SCUBE2: variants seen among roughly 807,000 people sequenced by gnomAD.
The protein encoded by SCUBE2 is signal peptide, CUB and EGF-like domain-containing protein 2.
In SCUBE2, 114 loss-of-function variants were observed where a neutral mutation model predicts 125.9. The observed-to-expected ratio is 0.91, with a 90% CI of 0.78 to 1.06. The LOEUF is 1.06. Ranked by LOEUF, SCUBE2 falls within the 50% of genes least tolerant of loss-of-function variation. The pLI is 0.00. For synonymous variants in SCUBE2, 459 were observed against 492.9 expected (o/e 0.93, Z 0.91); for missense variants, 1,255 against 1,301.8 (o/e 0.96, Z 0.55).
chr11:9,035,981 T>G (rs1463197941), intron 16 of SCUBE2, among the ~76,000 whole-genome samples: 1 of 152,182 alleles, frequency 6.6e-6, no homozygotes, highest in African/African-American at 2.4e-5. Flanking sequence ...CTCCGCCTCC[T>G]GGGTTCAAGC....
chr11:9,050,314 C>T (rs1858217493), intron 14 of SCUBE2: 2 of 294,344 alleles, frequency 6.8e-6, no homozygotes, highest in East Asian at 6.2e-5. Flanking sequence ...ATTGCTAATT[C>T]ATCTGAAGCC....
chr11:9,023,913 G>A (rs899250176), intron 21 of SCUBE2, among the ~76,000 whole-genome samples: 8 of 152,076 alleles, frequency 5.3e-5, no homozygotes, highest in East Asian at 1.9e-4. Flanking sequence ...CAGAGGGCCC[G>A]TCTGTAGCAG....
At chr11:9,080,870 T>C (rs1861581754) in intron 2 of SCUBE2, among the ~76,000 whole-genome samples, 1 of 151,762 alleles carries the variant, frequency 6.6e-6, no homozygotes. Flanking sequence ...TATAAAGAAC[T>C]GAAAAAAAAC....
chr11:9,032,085 G>A (rs548187295), intron 17 of SCUBE2, among the ~76,000 whole-genome samples: 130 of 152,094 alleles, frequency 8.5e-4, no homozygotes, highest in Middle Eastern at 6.8e-3. Context: ...TCAATACATG[G>A]TAGCTATAAT....
chr11:9,035,225 T>C (rs1342173711), intron 16 of SCUBE2, among the ~76,000 whole-genome samples: 1 of 152,208 alleles, frequency 6.6e-6, no homozygotes, highest in Non-Finnish European at 1.5e-5. Context: ...CCAGACACCA[T>C]GTCAAAAGCT....
intron 5 of SCUBE2, 57 bp downstream of exon 5, chr11:9,069,313 A>G (rs1590123490): frequency 6.2e-7 from 1 of 1,601,288 alleles, no homozygotes; most frequent in South Asian, 1.1e-5. Context: ...GGGCCACAGA[A>G]GGCAGCCTGT....
intron 2 of SCUBE2, among the ~76,000 whole-genome samples, chr11:9,086,362 T>C (rs1359954363): frequency 1.3e-5 from 2 of 152,322 alleles, no homozygotes; most frequent in East Asian, 3.9e-4. Context: ...GTAGTGAAGC[T>C]GGCAATAATC....
At position 9,048,032 on chromosome 11, in the gene SCUBE2, A is replaced by G; in HGVS notation, c.1706T>C (p.Val569Ala). 1 of 1,614,180 alleles carries G rather than the reference A, an allele frequency of 6.2e-7. No individual in the cohort carries two copies. The highest frequency in any genetic ancestry group is 8.5e-7 in the Non-Finnish European group (1 of 1,180,024). ...VNLTCSSGKQ[V>A]PGAPGRPSTP... is the part of the protein sequence containing the mutation. ...GCTTGGTCGGCCAGGGGCTCCTGGG[A>G]CTTGCTTGCCAGAGCTGCATGTAAG... Residue 569 changes from valine to alanine, a missense_variant, in exon 15 of 23, where the codon GTC becomes GCC. This residue lies in a region of SCUBE2 where 378 missense variants were observed against 463.1 expected (regional missense o/e 0.82). Coordinates refer to ENST00000649792, the MANE Select transcript of SCUBE2 (RefSeq NM_001367977.2).
chr11:9,062,249 T>C (rs561815986), intron 7 of SCUBE2, among the ~76,000 whole-genome samples: 1 of 152,330 alleles, frequency 6.6e-6, no homozygotes, highest in South Asian at 2.1e-4. Context: ...ATAACAGCCA[T>C]TGAAAGTTCC....
chr11:9,059,243 C>A, intron 9 of SCUBE2, 60 bp downstream of exon 9: 8 of 1,578,034 alleles, frequency 5.1e-6, no homozygotes, highest in Non-Finnish European at 6.9e-6. Flanking sequence ...GAGGGTGCTA[C>A]GTTCTCTCTG....
rs202060251 is a variant in SCUBE2 at position 9,025,701 on chromosome 11, C to G, written c.2854+1G>C. 1.6e-4 allele frequency: 266 copies of G among 1,613,980 alleles called. 5 individuals carry two copies. In the South Asian group the frequency reaches 2.7e-3, roughly 16 times the overall value. ...TTCCATGTGCTGCAGGCTGTGCTTACCATCATATGTCACGTATGGGACCTG... is the reference window on the plus strand; with the variant it reads ...TTCCATGTGCTGCAGGCTGTGCTTAGCATCATATGTCACGTATGGGACCTG... On this transcript the variant is annotated splice_donor_variant, in intron 21 of 22. Coordinates refer to ENST00000649792, the MANE Select transcript of SCUBE2 (RefSeq NM_001367977.2). LOFTEE classifies it high-confidence loss of function.
chr11:9,055,781 C>T lies in SCUBE2; in HGVS notation c.1207+12G>A. The T allele has an allele frequency of 6.2e-7, 1 of 1,605,888 alleles. No homozygotes were observed. Among genetic ancestry groups the T allele is most frequent in the Non-Finnish European group, 8.5e-7 (1 of 1,172,648 alleles). On this transcript the variant is annotated intron_variant, in intron 10 of 22. Transcript: ENST00000649792. Reference sequence around the variant, plus strand: ...CATTCCCCTCCCAACTTGACAGGGGCAGTCTGCTCACCTCCACAGTGGGTG... The same window carrying T: ...CATTCCCCTCCCAACTTGACAGGGGTAGTCTGCTCACCTCCACAGTGGGTG...
chr11:9,023,424 C>T (rs527971783), intron 21 of SCUBE2, among the ~76,000 whole-genome samples: 1 of 152,132 alleles, frequency 6.6e-6, no homozygotes, highest in East Asian at 1.9e-4. Flanking sequence ...TCTTGAATTC[C>T]TCTGCGGCAG....
At chr11:9,035,113 G>A (rs973817441) in intron 16 of SCUBE2, among the ~76,000 whole-genome samples, 2 of 152,156 alleles carry the variant, frequency 1.3e-5, no homozygotes, top group Admixed American at 1.3e-4. Flanking sequence ...CCTTATGTTA[G>A]GCTATGAATA....
At chr11:9,039,108 G>A (rs149483542) in intron 16 of SCUBE2, among the ~76,000 whole-genome samples, 1 of 152,068 alleles carries the variant, frequency 6.6e-6, no homozygotes, top group African/African-American at 2.4e-5. Context: ...CCTCTGTCTC[G>A]GCATCCGAAA....
chr11:9,068,533 G>C (rs1860477312), intron 5 of SCUBE2, among the ~76,000 whole-genome samples: 1 of 152,206 alleles, frequency 6.6e-6, no homozygotes, highest in Non-Finnish European at 1.5e-5. Flanking sequence ...AGTCAACCCA[G>C]AGCTATACAG....
chr11:9,037,281 C>T (rs1856821323), intron 16 of SCUBE2, among the ~76,000 whole-genome samples: 1 of 152,204 alleles, frequency 6.6e-6, no homozygotes, highest in Non-Finnish European at 1.5e-5. Context: ...CTTTTGTGTG[C>T]CTTCAGTGAC....
intron 21 of SCUBE2, chr11:9,022,168 C>A: frequency 1.9e-6 from 1 of 520,052 alleles, no homozygotes; most frequent in Non-Finnish European, 3.5e-6. Flanking sequence ...CTTCCCCGTC[C>A]CCTCTTCCCT....
intron 16 of SCUBE2, among the ~76,000 whole-genome samples, chr11:9,046,943 G>T (rs529355350): frequency 6.8e-6 from 1 of 148,066 alleles, no homozygotes; most frequent in African/African-American, 2.5e-5. Flanking sequence ...AGCTAAGCTT[G>T]GGCCTCATGA....
Sources: gnomAD v4.1 joint callset for allele counts (sites outside exome capture counted in the v4.1 genomes callset) on GRCh38, gnomAD v4.1.1 for gene constraint, gnomAD v4.1.1 regional missense constraint, MANE v1.5 for transcripts, NCBI Gene and HGNC (gene_info 2026-07-23, HGNC 2026-07-21) for gene names.